PDLIM3: variants seen among roughly 807,000 people sequenced by gnomAD.
The protein encoded by PDLIM3 is PDZ and LIM domain 3, also known as PDZ and LIM domain protein 3.
Under a neutral mutation model 37.3 loss-of-function variants are expected in PDLIM3, and 36 were observed. The ratio of observed to expected loss-of-function variants is 0.97; its 90% CI spans 0.74 to 1.28. The LOEUF (loss-of-function observed/expected upper bound fraction) is 1.28, where lower values mean the gene tolerates loss of function less well. Among genes scored for constraint, PDLIM3 ranks in the 50% most tolerant of loss-of-function variants. The pLI is 0.00. For missense variants in PDLIM3, 454 were observed against 485.0 expected (o/e 0.94, Z 0.60); for synonymous variants, 174 against 182.4 (o/e 0.95, Z 0.37).
At chr4:185,512,874 A>C (rs1202342315) in intron 4 of PDLIM3, 1 of 985,254 alleles carries the variant, frequency 1.0e-6, no homozygotes, top group East Asian at 1.1e-4. Context: ...GGAGAAACGG[A>C]AAAGATGCAG....
Position 185,504,726 on chromosome 4 carries a change from T to C in PDLIM3, c.794-140A>G. On this transcript the variant is annotated intron_variant, in intron 6 of 7. Transcript: ENST00000284767. This position sits in a 1 kb window ranked among gnomAD's most constrained non-coding sequence, Gnocchi z 4.7. ...GAGAGGGGCAGGACTGATGCAATCATAAGGGACGCTGTTCTGAAATAGGGC... is the reference window on the plus strand; with the variant it reads ...GAGAGGGGCAGGACTGATGCAATCACAAGGGACGCTGTTCTGAAATAGGGC... 1 of 695,950 alleles carries C rather than the reference T, an allele frequency of 1.4e-6. No individual in the cohort carries two copies. Among genetic ancestry groups the C allele is most frequent in the Non-Finnish European group, 2.6e-6 (1 of 383,414 alleles). 43.1% of individuals were successfully genotyped at this position (695,950 alleles called of 1,614,324 possible).
At chr4:185,529,212 G>A (rs558420829) in intron 1 of PDLIM3, among the ~76,000 whole-genome samples, 39 of 152,196 alleles carry the variant, frequency 2.6e-4, no homozygotes, top group African/African-American at 8.9e-4. Context: ...CCAGATGCTC[G>A]GAATCAGGAA....
At chr4:185,505,122 C>T (rs1580234220) in intron 6 of PDLIM3, among the ~76,000 whole-genome samples, 1 of 152,230 alleles carries the variant, frequency 6.6e-6, no homozygotes, top group African/African-American at 2.4e-5. Context: ...TAAATGGAAT[C>T]ATACAATATT....
chr4:185,532,278 A>G (rs529775759), intron 1 of PDLIM3, among the ~76,000 whole-genome samples: 1 of 152,342 alleles, frequency 6.6e-6, no homozygotes, highest in African/African-American at 2.4e-5. Context: ...CATATGCTCT[A>G]CTAGGCACTG....
intron 3 of PDLIM3, chr4:185,517,587 G>T (rs367882178): frequency 2.0e-5 from 3 of 151,364 alleles, no homozygotes; most frequent in Non-Finnish European, 4.4e-5. Flanking sequence ...TTTCTAAATA[G>T]CAGCATGTAA....
At chr4:185,513,990 C>G in intron 4 of PDLIM3, 22 of 1,298,018 alleles carry the variant, frequency 1.7e-5, no homozygotes, top group Non-Finnish European at 2.2e-5. Flanking sequence ...TCACAGTGTT[C>G]TGGATGGGAT....
At chr4:185,517,527 A>G (rs1469431208) in intron 3 of PDLIM3, 1 of 151,952 alleles carries the variant, frequency 6.6e-6, no homozygotes, top group African/African-American at 2.4e-5. Context: ...TGTCCTGTAA[A>G]TAAGGCAACT....
At position 185,504,369 on chromosome 4, in the gene PDLIM3, G is replaced by T; in HGVS notation, c.905+106C>A. 2 of 860,240 alleles carry T rather than the reference G, an allele frequency of 2.3e-6. No homozygotes were observed. Among genetic ancestry groups the T allele is most frequent in the Non-Finnish European group, 3.8e-6 (2 of 526,924 alleles). The allele number at this position is 860,240 out of a possible 1,614,324, so 53.3% of individuals were successfully genotyped here. A position where few individuals can be genotyped will look rare whatever the true frequency, so the allele number is the denominator to read the frequency against. ...ACCTTACGTTTCAAGTTGATGAATA[G>T]AAATTTGGTTTTCACAGTTGCCTTT... On this transcript the variant is annotated intron_variant, in intron 7 of 7. Coordinates refer to ENST00000284767, the MANE Select transcript of PDLIM3 (RefSeq NM_014476.6). The surrounding 1 kb of genome is among the most constrained non-coding windows in gnomAD (Gnocchi z 4.7).
At chr4:185,523,263 C>T (rs2095725784) in intron 3 of PDLIM3, 99 bp downstream of exon 3, 1 of 774,668 alleles carries the variant, frequency 1.3e-6, no homozygotes, top group Non-Finnish European at 2.3e-6. Flanking sequence ...TCATAGGTGG[C>T]TTGTTCCAAT....
chr4:185,534,862 G>A (rs2095750700), intron 1 of PDLIM3, among the ~76,000 whole-genome samples: 1 of 152,212 alleles, frequency 6.6e-6, no homozygotes, highest in Non-Finnish European at 1.5e-5. Context: ...GCGCGCTGCT[G>A]AACTTTTCAT....
chr4:185,517,037 C>T (rs566454277), intron 3 of PDLIM3: 1 of 152,284 alleles, frequency 6.6e-6, no homozygotes, highest in African/African-American at 2.4e-5. Context: ...ATGCCTAATC[C>T]TAGATCCTGT....
At chr4:185,518,304 T>C (rs1472050575) in intron 3 of PDLIM3, among the ~76,000 whole-genome samples, 1 of 152,188 alleles carries the variant, frequency 6.6e-6, no homozygotes, top group African/African-American at 2.4e-5. Flanking sequence ...ACCTCAGACA[T>C]GACAGCAGTC....
chr4:185,535,250 T>C, intron 1 of PDLIM3, 92 bp downstream of exon 1: 1 of 1,204,664 alleles, frequency 8.3e-7, no homozygotes. Context: ...GCGCGCTTTC[T>C]GGCCGCCCTC....
rs771202845 is a variant in PDLIM3, at chr4:185,504,098, T to A, written c.905+377A>T. Among the ~76,000 whole-genome samples the A allele has an allele frequency of 4.6e-5, 7 of 152,218 alleles. No individual in the cohort carries two copies. The highest frequency in any genetic ancestry group is 1.0e-4 in the Non-Finnish European group (7 of 68,042). ...TTCCCTGTGTTTATACAGAGGAGGATACTATGTATACTAAATGTATACACA... is the reference window on the plus strand; with the variant it reads ...TTCCCTGTGTTTATACAGAGGAGGAAACTATGTATACTAAATGTATACACA... On this transcript the variant is annotated intron_variant, in intron 7 of 7. Coordinates refer to ENST00000284767, the MANE Select transcript of PDLIM3 (RefSeq NM_014476.6). This position sits in a 1 kb window ranked among gnomAD's most constrained non-coding sequence, Gnocchi z 4.7.
At chr4:185,513,515 TTC>T in intron 4 of PDLIM3, 2 of 962,904 alleles carry the variant, frequency 2.1e-6, no homozygotes, top group East Asian at 2.4e-4. Flanking sequence ...GGCACTTAAA[TTC>T]TTTTTTTTTT....
rs1167476323 is a variant in PDLIM3 at position 185,504,542 on chromosome 4, T to G, written c.838A>C (p.Lys280Gln). The G allele has an allele frequency of 1.2e-6, 2 of 1,614,080 alleles. No individual in the cohort carries two copies. Among genetic ancestry groups the G allele is most frequent in the Admixed American group, 1.7e-5 (1 of 60,002 alleles). Residue 280 changes from lysine (K) to glutamine (Q), a missense_variant, in exon 7 of 8, where the codon AAA becomes CAA. By Grantham distance (53) the Lys-to-Gln change is moderately conservative. Transcript: ENST00000284767. This position sits in a 1 kb window ranked among gnomAD's most constrained non-coding sequence, Gnocchi z 4.7. ...GCCCCGCCTGAACCGCCATGGACTT[T>G]CGTCACCGGAGCTCTCACACTCCGC... ...GTRSVRAPVT[K>Q]VHGGSGGAQR...
rs777414682 is a variant in PDLIM3 at position 185,513,554 on chromosome 4, T to C, written c.398+716A>G. The stretch of plus-strand genomic sequence containing the variant: ...TTAAACAAAAGAATTAAATAAAACA[T>C]GCCTGTGAAATAAATCCACCTATGG... On this transcript the variant is annotated intron_variant, in intron 4 of 7. Coordinates refer to ENST00000284767, the MANE Select transcript of PDLIM3 (RefSeq NM_014476.6). 9.1e-5 allele frequency: 90 copies of C among 984,568 alleles called. 1 individual carries two copies. Among genetic ancestry groups the C allele is most frequent in the Non-Finnish European group, 1.1e-4 (89 of 829,588 alleles). 61.0% of individuals were successfully genotyped at this position (984,568 alleles called of 1,614,324 possible).
chr4:185,530,459 G>T (rs943302224), intron 1 of PDLIM3, among the ~76,000 whole-genome samples: 1 of 152,114 alleles, frequency 6.6e-6, no homozygotes, highest in Non-Finnish European at 1.5e-5. Flanking sequence ...TCTTGATCTT[G>T]GATGTGCTCT....
rs990117861 is a variant in PDLIM3, at chr4:185,504,910, C to T, written c.794-324G>A. On this transcript the variant is annotated intron_variant, in intron 6 of 7. Coordinates refer to ENST00000284767, the MANE Select transcript of PDLIM3 (RefSeq NM_014476.6). This position sits in a 1 kb window ranked among gnomAD's most constrained non-coding sequence, Gnocchi z 4.7. ...CATGGTTAGGGGTGCAATTCAATGACATTAGGTACATCCAAAATGTTGTGC... is the reference window on the plus strand; with the variant it reads ...CATGGTTAGGGGTGCAATTCAATGATATTAGGTACATCCAAAATGTTGTGC... Among the ~76,000 whole-genome samples the T allele has an allele frequency of 6.6e-5, 10 of 152,206 alleles. No homozygotes were observed. Among genetic ancestry groups the T allele is most frequent in the South Asian group, 2.1e-4 (1 of 4,836 alleles).
Sources: gnomAD v4.1 joint callset for allele counts (sites outside exome capture counted in the v4.1 genomes callset) on GRCh38, gnomAD v4.1.1 for gene constraint, Gnocchi (gnomAD v3.1) non-coding constraint, MANE v1.5 for transcripts, NCBI Gene and HGNC (gene_info 2026-07-23, HGNC 2026-07-21) for gene names.